The following PPP6R2 variants were observed in gnomAD, a reference collection of about 807,000 sequenced individuals.
PPP6R2 encodes the protein protein phosphatase 6 regulatory subunit 2, also known as serine/threonine-protein phosphatase 6 regulatory subunit 2.
In PPP6R2, 62 loss-of-function variants were observed where a neutral mutation model predicts 100.2. The observed-to-expected ratio is 0.62, with a 90% CI of 0.50 to 0.76. PPP6R2 has a LOEUF of 0.76. PPP6R2 is among the 30% of genes least tolerant of loss of function. PPP6R2 has a pLI of 0.00. For missense variants in PPP6R2, 1,142 were observed against 1,276.3 expected (o/e 0.89, Z 1.60); for synonymous variants, 525 against 514.7 (o/e 1.02, Z -0.27).
chr22:50,381,322 T>TGAGGCATCCCAGTTTAA (rs1569344093), intron 2 of PPP6R2, among the ~76,000 whole-genome samples: 1 of 57,926 alleles, frequency 1.7e-5, no homozygotes, highest in African/African-American at 7.9e-5. Context: ...CACCTCAGCA[T>TGAGGCATCCCAGTTTAA]CACACGGGCC....
chr22:50,347,163 C>T (rs920032038), intron 1 of PPP6R2, among the ~76,000 whole-genome samples: 17 of 152,100 alleles, frequency 1.1e-4, no homozygotes, highest in Non-Finnish European at 2.1e-4. Flanking sequence ...CCCATCAGTT[C>T]TCCCCTGTTG....
At chr22:50,392,695 G>A (rs2055884120) in intron 2 of PPP6R2, among the ~76,000 whole-genome samples, 1 of 152,202 alleles carries the variant, frequency 6.6e-6, no homozygotes, top group Non-Finnish European at 1.5e-5. Context: ...GCTGTAGAAA[G>A]CAGCCAGGTA....
At chr22:50,407,523 G>T in intron 4 of PPP6R2, 1 of 152,598 alleles carries the variant, frequency 6.6e-6, no homozygotes, top group Non-Finnish European at 1.5e-5. Flanking sequence ...CAGGTCTGCA[G>T]CTTCATCTGT....
chr22:50,406,997 C>G, intron 4 of PPP6R2, 122 bp downstream of exon 4: 2 of 976,958 alleles, frequency 2.0e-6, no homozygotes, highest in Non-Finnish European at 3.1e-6. Flanking sequence ...TGTGACTCTT[C>G]TGCGCAACAC....
chr22:50,402,120 G>A (rs1383549995), intron 3 of PPP6R2, among the ~76,000 whole-genome samples: 1 of 151,870 alleles, frequency 6.6e-6, no homozygotes, highest in Non-Finnish European at 1.5e-5. Flanking sequence ...TCAGCACCAC[G>A]CTTCTTTCAT....
At chr22:50,442,591 C>G (rs1427191058) in intron 22 of PPP6R2, among the ~76,000 whole-genome samples, 1 of 152,068 alleles carries the variant, frequency 6.6e-6, no homozygotes, top group Non-Finnish European at 1.5e-5. Flanking sequence ...GCTCTGTTGC[C>G]CAGGCTGGAG....
At chr22:50,373,935 C>T (rs1294167304) in intron 2 of PPP6R2, among the ~76,000 whole-genome samples, 1 of 152,130 alleles carries the variant, frequency 6.6e-6, no homozygotes, top group East Asian at 1.9e-4. Flanking sequence ...GGTTTCACCA[C>T]GTTGGTCAGG....
chr22:50,439,556 C>A (rs953118953), intron 19 of PPP6R2, 145 bp from the exon 20 acceptor site: 1 of 896,420 alleles, frequency 1.1e-6, no homozygotes, highest in Non-Finnish European at 1.6e-6. Flanking sequence ...GAGGGGCTGA[C>A]GGGCACTGCC....
chr22:50,352,751 AACAC>A (rs1459203784), intron 1 of PPP6R2, among the ~76,000 whole-genome samples: 3 of 151,476 alleles, frequency 2.0e-5, no homozygotes, highest in Non-Finnish European at 2.9e-5. Flanking sequence ...AAAAAAAAAA[AACAC>A]ACAAAACAAC....
intron 5 of PPP6R2, 145 bp downstream of exon 5, chr22:50,414,834 C>T: frequency 1.1e-6 from 1 of 935,944 alleles, no homozygotes; most frequent in Non-Finnish European, 1.6e-6. Context: ...GTTAGGGGTT[C>T]TTGTCAAGGA....
intron 1 of PPP6R2, among the ~76,000 whole-genome samples, chr22:50,348,953 A>G (rs961594991): frequency 1.3e-5 from 2 of 152,200 alleles, no homozygotes; most frequent in Admixed American, 6.5e-5. Flanking sequence ...GCACTTTGGG[A>G]TGCTGAGGCG....
At chr22:50,363,893 C>CTT (rs1247300028) in intron 1 of PPP6R2, among the ~76,000 whole-genome samples, 9 of 139,998 alleles carry the variant, frequency 6.4e-5, no homozygotes, top group Non-Finnish European at 1.4e-4. Flanking sequence ...GATTTTCAAA[C>CTT]TTTTTTTTTT....
At chr22:50,390,855 T>A (rs1343176301) in intron 2 of PPP6R2, among the ~76,000 whole-genome samples, 1 of 148,288 alleles carries the variant, frequency 6.7e-6, no homozygotes, top group Non-Finnish European at 1.5e-5. Context: ...AAAAATTAGC[T>A]GGGCGTGGTG....
the PPP6R2 span, among the ~76,000 whole-genome samples, chr22:50,336,904 G>A: frequency 1.3e-5 from 2 of 151,554 alleles, no homozygotes; most frequent in Non-Finnish European, 2.9e-5. Context: ...ACAGGCTCTC[G>A]CTGTGTTGCC....
At chr22:50,416,253 A>C in intron 6 of PPP6R2, 96 bp downstream of exon 6, 2 of 1,077,886 alleles carry the variant, frequency 1.9e-6, no homozygotes, top group Non-Finnish European at 2.8e-6. Context: ...AGGGCAAGTC[A>C]TCCCTTTCCT....
chr22:50,433,546 G>A (rs1244930573), intron 12 of PPP6R2, among the ~76,000 whole-genome samples: 6 of 89,548 alleles, frequency 6.7e-5, no homozygotes, highest in African/African-American at 1.2e-4. Flanking sequence ...CTGGGGGCGC[G>A]GACGCTGGGC....
At position 50,361,811 on chromosome 22, in the gene PPP6R2, C is replaced by T. The variant is rs28427872; in HGVS notation, c.-147-10209C>T. ...GTCTGTCTTGTGGTGCGCGTAGGTGCGGACTAGGGCCTTGCTGTGGTGGGC... is the reference window on the plus strand; with the variant it reads ...GTCTGTCTTGTGGTGCGCGTAGGTGTGGACTAGGGCCTTGCTGTGGTGGGC... On this transcript the variant is annotated intron_variant, in intron 1 of 23. Transcript: ENST00000612753. Among the ~76,000 whole-genome samples, 102 of 152,166 alleles carry T rather than the reference C, an allele frequency of 6.7e-4. No individual in the cohort carries two copies. In the East Asian group the frequency reaches 0.015, roughly 22 times the overall value.
rs1345405071 is a variant in PPP6R2, at chr22:50,352,192, C to T, written c.-148+8642C>T. ...CTGACCTCAAGTGATCCTTCCGCCT[C>T]GGCCTCCCAAAGTGCTGGGATTACA... On this transcript the variant is annotated intron_variant, in intron 1 of 23. Transcript: ENST00000612753. 3.3e-5 allele frequency among the ~76,000 whole-genome samples: 5 copies of T among 152,274 alleles called. No homozygotes were observed. The East Asian group carries it at 9.7e-4, about 30-fold the overall frequency.
the PPP6R2 span, among the ~76,000 whole-genome samples, chr22:50,331,451 C>T: frequency 6.6e-6 from 1 of 152,124 alleles, no homozygotes; most frequent in Admixed American, 6.6e-5. Context: ...TCCTCCCCAA[C>T]GCTTAGTATT....
Sources: gnomAD v4.1 joint callset for allele counts (sites outside exome capture counted in the v4.1 genomes callset) on GRCh38, gnomAD v4.1.1 for gene constraint, MANE v1.5 for transcripts, NCBI Gene and HGNC (gene_info 2026-07-23, HGNC 2026-07-21) for gene names.